Variants in LTA4H observed in about 807,000 individuals in gnomAD.
LTA4H encodes leukotriene A4 hydrolase.
LTA4H carries 59 observed loss-of-function variants against 89.8 expected under a neutral mutation model. The observed-to-expected ratio is 0.66, with a 90% CI of 0.53 to 0.82. The LOEUF is 0.82. Ranked by LOEUF, LTA4H falls within the 40% of genes least tolerant of loss-of-function variation. The pLI is 0.00. For synonymous variants in LTA4H, 227 were observed against 253.1 expected (o/e 0.90, Z 0.98); for missense variants, 617 against 727.0 (o/e 0.85, Z 1.74).
intron 3 of LTA4H, among the ~76,000 whole-genome samples, chr12:96,025,007 T>G (rs1354860033): frequency 6.6e-6 from 1 of 152,196 alleles, no homozygotes; most frequent in Non-Finnish European, 1.5e-5. Flanking sequence ...ATTCTTGGAC[T>G]TTTAAAAATC....
Position 96,000,791 on chromosome 12 carries a change from G to A in LTA4H, c.*198C>T. 1 of 430,828 alleles carries A rather than the reference G, an allele frequency of 2.3e-6. No individual in the cohort carries two copies. The highest frequency in any genetic ancestry group is 3.6e-5 in the East Asian group (1 of 27,930). The allele number at this position is 430,828 out of a possible 1,614,324, so 26.7% of individuals were successfully genotyped here. On this transcript the variant is annotated 3_prime_UTR_variant, in exon 19 of 19. Coordinates refer to ENST00000228740, the MANE Select transcript of LTA4H (RefSeq NM_000895.3). ...AAATTTTTTAATTTGTAAATCAAAA[G>A]ATTAAACCTTGTTAAAATTTACAAA...
In LTA4H at chr12:96,022,947, G is replaced by A. The variant is rs1468788708; in HGVS notation, c.481-696C>T. Among the ~76,000 whole-genome samples the A allele has an allele frequency of 6.6e-6, 1 of 152,200 alleles. No individual in the cohort carries two copies. The highest frequency in any genetic ancestry group is 2.4e-5 in the African/African-American group (1 of 41,440). On this transcript the variant is annotated intron_variant, in intron 4 of 18. Transcript: ENST00000228740. This position sits in a 1 kb window ranked among gnomAD's most constrained non-coding sequence, Gnocchi z 4.0. ...GAGGAACATTTTAAAAGTAGTAACT[G>A]TGAAAAACTAAAATTTATTGCTAAA...
chr12:96,020,088 G>C (rs1235922469), intron 6 of LTA4H, among the ~76,000 whole-genome samples: 1 of 151,518 alleles, frequency 6.6e-6, no homozygotes, highest in Non-Finnish European at 1.5e-5. Flanking sequence ...TTTTTTTGTA[G>C]AGACATGATC....
At chr12:96,024,334 G>T in intron 4 of LTA4H, 145 bp downstream of exon 4, 1 of 520,998 alleles carries the variant, frequency 1.9e-6, no homozygotes, top group Non-Finnish European at 3.4e-6. Context: ...GAGTGCCACA[G>T]CCTCTTTGTT....
At position 96,004,450 on chromosome 12, in the gene LTA4H, G is replaced by A. The variant is rs927541665; in HGVS notation, c.1531-530C>T. 6.6e-5 allele frequency among the ~76,000 whole-genome samples: 10 copies of A among 152,240 alleles called. 1 individual carries two copies. The East Asian group carries it at 1.7e-3, about 26-fold the overall frequency. ...TGAATAATGTGGACTCTTTCCCTAG[G>A]GGGAAAATACACTTACTACATGAAT... is the stretch of plus-strand genomic sequence containing the variant. On this transcript the variant is annotated intron_variant, in intron 16 of 18. Coordinates refer to ENST00000228740, the MANE Select transcript of LTA4H (RefSeq NM_000895.3).
intron 15 of LTA4H, 69 bp from the exon 16 acceptor site, chr12:96,006,478 A>T (rs1950205744): frequency 2.4e-6 from 2 of 845,494 alleles, no homozygotes; most frequent in East Asian, 5.2e-5. Context: ...TTTATCTGAC[A>T]TAAAAGTAAA....
chr12:96,000,893 T>G lies in LTA4H; in HGVS notation c.*96A>C. ...CAACAAAACAATAAAAAGCCAAAAC[T>G]AAAAAGACAGTTTTAATTGTGAGCT... On this transcript the variant is annotated 3_prime_UTR_variant, in exon 19 of 19. Transcript: ENST00000228740. The G allele has an allele frequency of 1.1e-6, 1 of 902,832 alleles. No individual in the cohort carries two copies. Among genetic ancestry groups the G allele is most frequent in the South Asian group, 1.6e-5 (1 of 64,024 alleles). The allele number at this position is 902,832 out of a possible 1,614,324, so 55.9% of individuals were successfully genotyped here.
intron 16 of LTA4H, 137 bp from the exon 17 acceptor site, chr12:96,004,057 A>G: frequency 2.3e-6 from 1 of 426,706 alleles, no homozygotes; most frequent in South Asian, 4.8e-5. Flanking sequence ...AAAATAAAAG[A>G]AACAAATTGC....
chr12:96,011,592 A>T (rs1202627155), intron 14 of LTA4H: 1 of 152,156 alleles, frequency 6.6e-6, no homozygotes, highest in Non-Finnish European at 1.5e-5. Flanking sequence ...TAATATTTTA[A>T]AAAAAATACT....
At chr12:96,007,714 C>T (rs1436447475) in intron 15 of LTA4H, among the ~76,000 whole-genome samples, 2 of 152,070 alleles carry the variant, frequency 1.3e-5, no homozygotes, top group African/African-American at 4.8e-5. Flanking sequence ...AACTGCTGGG[C>T]CCAAAGGAAT....
At chr12:96,025,827 CAAAA>C (rs63528861) in intron 3 of LTA4H, among the ~76,000 whole-genome samples, 4 of 116,084 alleles carry the variant, frequency 3.4e-5, no homozygotes, top group African/African-American at 3.3e-5. Context: ...ACCCTGTCTC[CAAAA>C]AAAAAAAAAA....
intron 1 of LTA4H, among the ~76,000 whole-genome samples, chr12:96,030,422 C>A (rs1950560068): frequency 6.6e-6 from 1 of 152,164 alleles, no homozygotes; most frequent in South Asian, 2.1e-4. Context: ...GAATCGCCTG[C>A]TCAACATTTC....
In LTA4H at chr12:96,001,163, G is replaced by A. The variant is rs181102738; in HGVS notation, c.1719-57C>T. 9 of 1,036,808 alleles carry A rather than the reference G, an allele frequency of 8.7e-6. No individual in the cohort carries two copies. The African/African-American group carries it at 1.1e-4, about 13-fold the overall frequency. The allele number at this position is 1,036,808 out of a possible 1,614,324, so 64.2% of individuals were successfully genotyped here. On this transcript the variant is annotated intron_variant, in intron 18 of 18. Transcript: ENST00000228740. ...AAGGCGAGAAGGAGACAGAGGAGGA[G>A]AAAGGGAGGGAGAGAAGAAAGAAAG...
chr12:96,034,799 T>C (rs1178521988), intron 1 of LTA4H, among the ~76,000 whole-genome samples: 2 of 152,108 alleles, frequency 1.3e-5, no homozygotes, highest in East Asian at 3.9e-4. Context: ...GACCTGTGGA[T>C]TGAAATAAGT....
At chr12:96,023,762 C>T (rs1272338688) in intron 4 of LTA4H, among the ~76,000 whole-genome samples, 1 of 152,180 alleles carries the variant, frequency 6.6e-6, no homozygotes, top group Non-Finnish European at 1.5e-5. Context: ...TGCATACAGA[C>T]AAGTCTGGAA....
chr12:96,021,857 G>A (rs1181888491), intron 5 of LTA4H, among the ~76,000 whole-genome samples: 9 of 152,126 alleles, frequency 5.9e-5, no homozygotes, highest in Non-Finnish European at 8.8e-5. Context: ...AGGTGAATGC[G>A]TAAGAACTCA....
intron 6 of LTA4H, 182 bp downstream of exon 6, chr12:96,020,903 T>C (rs1219965519): frequency 3.7e-6 from 2 of 546,156 alleles, no homozygotes; most frequent in Admixed American, 4.0e-5. Flanking sequence ...AAGGGGTAAC[T>C]GGTCAAGATT....
At chr12:96,024,406 A>G (rs1349158298) in intron 4 of LTA4H, 73 bp downstream of exon 4, 20 of 863,032 alleles carry the variant, frequency 2.3e-5, no homozygotes, top group Non-Finnish European at 3.4e-5. Flanking sequence ...TTCAATTATC[A>G]TCTCTGCTTA....
At chr12:96,040,661 G>T (rs1474290327) in intron 1 of LTA4H, among the ~76,000 whole-genome samples, 1 of 152,220 alleles carries the variant, frequency 6.6e-6, no homozygotes, top group Admixed American at 6.5e-5. Flanking sequence ...TGGTGGAGCA[G>T]CAAGGTAGAA....
Sources: gnomAD v4.1 joint callset for allele counts (sites outside exome capture counted in the v4.1 genomes callset) on GRCh38, gnomAD v4.1.1 for gene constraint, Gnocchi (gnomAD v3.1) non-coding constraint, MANE v1.5 for transcripts, NCBI Gene and HGNC (gene_info 2026-07-23, HGNC 2026-07-21) for gene names.